Variants in KCNH8 observed in about 807,000 individuals in gnomAD.
The protein encoded by KCNH8 is potassium voltage-gated channel subfamily H member 8.
KCNH8 carries 70 observed loss-of-function variants against 103.6 expected under a neutral mutation model. That is an observed-to-expected ratio of 0.68 (90% CI 0.56 to 0.82). KCNH8 has a LOEUF of 0.82. Ranked by LOEUF, KCNH8 falls within the 40% of genes least tolerant of loss-of-function variation. KCNH8 has a pLI of 0.00. For missense variants in KCNH8, 1,217 were observed against 1,329.9 expected (o/e 0.92, Z 1.32); for synonymous variants, 498 against 489.4 (o/e 1.02, Z -0.23).
intron 1 of KCNH8, among the ~76,000 whole-genome samples, chr3:19,167,491 T>C (rs971531430): frequency 6.6e-6 from 1 of 152,210 alleles, no homozygotes; most frequent in Non-Finnish European, 1.5e-5. Flanking sequence ...TTGAATCATA[T>C]TTTTTTATAA....
At chr3:19,429,240 C>T (rs1363248452) in intron 7 of KCNH8, among the ~76,000 whole-genome samples, 2 of 141,316 alleles carry the variant, frequency 1.4e-5, no homozygotes, top group African/African-American at 5.3e-5. Context: ...GTGGCGCGAT[C>T]TCGGCTCACT....
intron 1 of KCNH8, among the ~76,000 whole-genome samples, chr3:19,174,151 C>G (rs184339033): frequency 6.6e-6 from 1 of 151,960 alleles, no homozygotes; most frequent in Non-Finnish European, 1.5e-5. Context: ...AACATTTTCC[C>G]CCTTGCTCTT....
intron 2 of KCNH8, among the ~76,000 whole-genome samples, chr3:19,267,721 T>C (rs910119926): frequency 1.1e-4 from 16 of 152,090 alleles, no homozygotes; most frequent in African/African-American, 3.4e-4. Flanking sequence ...ATAAAGAAAG[T>C]AAGCTATAGA....
chr3:19,374,297 A>G (rs569432452), intron 5 of KCNH8, among the ~76,000 whole-genome samples: 1 of 151,710 alleles, frequency 6.6e-6, no homozygotes, highest in African/African-American at 2.4e-5. Context: ...GTACTCCTGT[A>G]TTGGGTGCAT....
rs575154927 is a variant in KCNH8 at position 19,429,162 on chromosome 3, C to CTTT, written c.1178-8978_1178-8976dup. On this transcript the variant is annotated intron_variant, in intron 7 of 15. Transcript: ENST00000328405. Reference sequence around the variant, plus strand: ...AAATGCATATGAGTCAGAATCCACTCTTTTTTTTTTTTTTTTTTTTTTTTT... The same window carrying CTTT: ...AAATGCATATGAGTCAGAATCCACTCTTTTTTTTTTTTTTTTTTTTTTTTTTTT... Among the ~76,000 whole-genome samples, 200 of 89,848 alleles carry CTTT rather than the reference C, an allele frequency of 2.2e-3. 19 individuals are homozygous for CTTT. Among genetic ancestry groups the CTTT allele is most frequent in the East Asian group, 0.011 (29 of 2,644 alleles). The allele number at this position is 89,848 out of a possible 152,430, so 58.9% of individuals were successfully genotyped here.
chr3:19,458,651 G>A (rs966764083), intron 11 of KCNH8, among the ~76,000 whole-genome samples: 2 of 151,818 alleles, frequency 1.3e-5, no homozygotes, highest in East Asian at 1.9e-4. Context: ...ACAATACATC[G>A]TTATTAACTA....
At chr3:19,437,370 T>G (rs762848455) in intron 7 of KCNH8, among the ~76,000 whole-genome samples, 1 of 152,206 alleles carries the variant, frequency 6.6e-6, no homozygotes, top group Non-Finnish European at 1.5e-5. Context: ...TATCTTCTCA[T>G]GTTTATTAAT....
intron 7 of KCNH8, among the ~76,000 whole-genome samples, chr3:19,403,807 G>A (rs910559850): frequency 6.6e-6 from 1 of 151,750 alleles, no homozygotes; most frequent in Non-Finnish European, 1.5e-5. Flanking sequence ...TGTGACTGAG[G>A]TTAATTGTCA....
At chr3:19,468,967 C>T (rs1328020852) in intron 11 of KCNH8, among the ~76,000 whole-genome samples, 1 of 152,148 alleles carries the variant, frequency 6.6e-6, no homozygotes, top group African/African-American at 2.4e-5. Flanking sequence ...ATTTAGTCCC[C>T]ATTTCAGTCT....
intron 1 of KCNH8, among the ~76,000 whole-genome samples, chr3:19,250,321 A>AAACCC (rs1321629120): frequency 6.6e-6 from 1 of 152,174 alleles, no homozygotes; most frequent in African/African-American, 2.4e-5. Flanking sequence ...AGTTGGTAAA[A>AAACCC]AACCCAATGT....
chr3:19,233,071 C>G (rs181500325), intron 1 of KCNH8, among the ~76,000 whole-genome samples: 2,404 of 106,660 alleles, frequency 0.023, 62 homozygotes, highest in East Asian at 0.14. Context: ...TCCCCCCCCC[C>G]ACCCCACTAC....
intron 11 of KCNH8, among the ~76,000 whole-genome samples, chr3:19,504,382 T>G (rs1411710459): frequency 6.6e-6 from 1 of 152,088 alleles, no homozygotes; most frequent in Non-Finnish European, 1.5e-5. Flanking sequence ...CAAAAGACAC[T>G]ATCAACAAAC....
intron 8 of KCNH8, among the ~76,000 whole-genome samples, chr3:19,447,044 T>C (rs1376164880): frequency 6.6e-6 from 1 of 151,904 alleles, no homozygotes; most frequent in Admixed American, 6.6e-5. Context: ...GGTCTAACAC[T>C]CAAGAATTAT....
At chr3:19,387,925 A>C (rs796874410) in intron 5 of KCNH8, among the ~76,000 whole-genome samples, 18 of 152,052 alleles carry the variant, frequency 1.2e-4, no homozygotes, top group Admixed American at 5.9e-4. Context: ...TTACCCAAGA[A>C]AATACCTGTT....
In KCNH8 at chr3:19,533,665, T is replaced by A. The variant is rs143639783; in HGVS notation, c.2890T>A (p.Ser964Thr). The A allele has an allele frequency of 5.6e-5, 90 of 1,614,000 alleles. No homozygotes were observed. The African/African-American group carries it at 1.1e-3, about 19-fold the overall frequency. The change falls in exon 16 of 16, where the codon TCC becomes ACC. Residue 964 changes from serine to threonine, a missense_variant. Physicochemically the swap from Ser to Thr is moderately conservative, Grantham distance 58. Around this residue, in one of 3 missense-constraint regions of KCNH8, gnomAD observed 558 missense variants for 495.8 expected, o/e 1.13. Coordinates refer to ENST00000328405, the MANE Select transcript of KCNH8 (RefSeq NM_144633.3). The part of the protein sequence containing the change: ...ITSDIWSVDP[S>T]SVGSSPQRTG... ...CTCAGACATTTGGAGTGTGGATCCC[T>A]CCTCTGTGGGGAGCAGCCCCCAACG...
intron 1 of KCNH8, among the ~76,000 whole-genome samples, chr3:19,156,027 G>T (rs948232072): frequency 2.6e-5 from 4 of 152,084 alleles, no homozygotes; most frequent in Non-Finnish European, 5.9e-5. Context: ...TCCCTTTAGT[G>T]GTACCTGGTG....
intron 1 of KCNH8, among the ~76,000 whole-genome samples, chr3:19,199,761 T>G (rs536445199): frequency 1.6e-4 from 25 of 151,998 alleles, no homozygotes; most frequent in Non-Finnish European, 3.2e-4. Flanking sequence ...AATATGTAAA[T>G]CACTGAGAAT....
At chr3:19,477,606 A>G (rs1295922485) in intron 11 of KCNH8, among the ~76,000 whole-genome samples, 2 of 152,146 alleles carry the variant, frequency 1.3e-5, no homozygotes, top group Non-Finnish European at 2.9e-5. Context: ...TCTAACAGGA[A>G]TGCTTGGAAT....
chr3:19,347,100 C>T (rs2065739262), intron 4 of KCNH8, among the ~76,000 whole-genome samples: 2 of 152,028 alleles, frequency 1.3e-5, no homozygotes, highest in South Asian at 4.1e-4. Context: ...ATGTCTGGCC[C>T]ATGTCAGAGT....
Sources: allele counts gnomAD v4.1 joint callset (sites outside exome capture counted in the v4.1 genomes callset), GRCh38; gene constraint gnomAD v4.1.1; regional missense constraint gnomAD v4.1.1; transcripts MANE v1.5; gene names NCBI Gene and HGNC (gene_info 2026-07-23, HGNC 2026-07-21).